GRIK3: variants seen among roughly 807,000 people sequenced by gnomAD.
GRIK3 encodes the protein glutamate ionotropic receptor kainate type subunit 3.
GRIK3 carries 29 observed loss-of-function variants against 102.5 expected under a neutral mutation model. The ratio of observed to expected loss-of-function variants is 0.28; its 90% CI spans 0.21 to 0.39. The LOEUF is 0.39. GRIK3 is among the 10% of genes least tolerant of loss of function. GRIK3 has a pLI of 1.00. For missense variants in GRIK3, 908 were observed against 1,252.4 expected, an observed-to-expected ratio of 0.73 and a Z score of 4.15; for synonymous variants, 511 against 504.9, an observed-to-expected ratio of 1.01 and a Z score of -0.16.
intron 13 of GRIK3, among the ~76,000 whole-genome samples, chr1:36,814,129 G>T (rs975784233): frequency 1.2e-4 from 18 of 152,308 alleles, no homozygotes; most frequent in African/African-American, 4.1e-4. Flanking sequence ...GGCAGAGGAG[G>T]CTGTGGGAGG....
At chr1:36,966,668 G>A (rs1046116694) in intron 1 of GRIK3, among the ~76,000 whole-genome samples, 5 of 152,036 alleles carry the variant, frequency 3.3e-5, no homozygotes, top group Non-Finnish European at 5.9e-5. Flanking sequence ...TCTGGACACC[G>A]AGAGATCACT....
intron 10 of GRIK3, among the ~76,000 whole-genome samples, chr1:36,829,595 C>A (rs1212318038): frequency 6.6e-6 from 1 of 152,066 alleles, no homozygotes; most frequent in Admixed American, 6.6e-5. Context: ...TATTTCTAAA[C>A]CTCTGGACCA....
chr1:36,978,480 T>C (rs1322000374), intron 1 of GRIK3, among the ~76,000 whole-genome samples: 1 of 152,214 alleles, frequency 6.6e-6, no homozygotes, highest in Non-Finnish European at 1.5e-5. Context: ...GCATAACAAA[T>C]CTTCACAAAA....
At chr1:36,834,748 C>G (rs1640351407) in intron 10 of GRIK3, among the ~76,000 whole-genome samples, 1 of 152,210 alleles carries the variant, frequency 6.6e-6, no homozygotes, top group African/African-American at 2.4e-5. Flanking sequence ...ATCCTGTCCC[C>G]ACCCCCTGCA....
intron 1 of GRIK3, among the ~76,000 whole-genome samples, chr1:36,903,372 G>C (rs1465226224): frequency 6.6e-6 from 1 of 152,240 alleles, no homozygotes; most frequent in African/African-American, 2.4e-5. Flanking sequence ...CTGCTGGTGA[G>C]AATGCAAAAT....
At chr1:36,903,741 A>G (rs1641255722) in intron 1 of GRIK3, among the ~76,000 whole-genome samples, 1 of 152,266 alleles carries the variant, frequency 6.6e-6, no homozygotes, top group Non-Finnish European at 1.5e-5. Context: ...ATATGATTTC[A>G]ACTACTGACA....
chr1:36,829,650 C>G (rs989055296), intron 10 of GRIK3, among the ~76,000 whole-genome samples: 7 of 152,148 alleles, frequency 4.6e-5, no homozygotes, highest in Non-Finnish European at 1.5e-5. Flanking sequence ...CCATAAGCAG[C>G]TTTCCACTTA....
At position 36,868,596 on chromosome 1, in the gene GRIK3, G is replaced by A. The variant is rs138672475; in HGVS notation, c.786+1152C>T. Reference sequence around the variant, plus strand: ...AGCGTTCCCGTCACAGTGATTTCAAGCTACCAACATGACATGGACTTAGGA... The same window carrying A: ...AGCGTTCCCGTCACAGTGATTTCAAACTACCAACATGACATGGACTTAGGA... On this transcript the variant is annotated intron_variant, in intron 5 of 15. Coordinates refer to ENST00000373091, the MANE Select transcript of GRIK3 (RefSeq NM_000831.4). Among the ~76,000 whole-genome samples the A allele has an allele frequency of 7.9e-5, 12 of 152,360 alleles. No homozygotes were observed. In the East Asian group the frequency reaches 2.3e-3, roughly 29 times the overall value.
chr1:36,983,034 C>T (rs1487728524), intron 1 of GRIK3, among the ~76,000 whole-genome samples: 1 of 152,192 alleles, frequency 6.6e-6, no homozygotes, highest in East Asian at 1.9e-4. Flanking sequence ...CAGCCCTCTT[C>T]TTATTGCACA....
At position 36,872,168 on chromosome 1, in the gene GRIK3, G is replaced by A. The variant is rs754175116; in HGVS notation, c.732+20C>T. 13 of 1,553,160 alleles carry A rather than the reference G, an allele frequency of 8.4e-6. No homozygotes were observed. The highest frequency in any genetic ancestry group is 3.7e-5 in the South Asian group (3 of 82,176). The stretch of plus-strand genomic sequence containing the variant: ...CCAGCAGACCCCAGTCATCTGTCCC[G>A]GTGGCCAGCACTCACGCACCTGCTT... On this transcript the variant is annotated intron_variant, in intron 4 of 15. Transcript: ENST00000373091. The surrounding 1 kb of genome is among the most constrained non-coding windows in gnomAD (Gnocchi z 5.9).
At chr1:36,944,045 C>T (rs1236362601) in intron 1 of GRIK3, among the ~76,000 whole-genome samples, 1 of 152,232 alleles carries the variant, frequency 6.6e-6, no homozygotes, top group Non-Finnish European at 1.5e-5. Flanking sequence ...CAGCTCAGGA[C>T]ATGGCATCTC....
At chr1:37,006,462 C>T (rs1642534279) in intron 1 of GRIK3, among the ~76,000 whole-genome samples, 1 of 152,256 alleles carries the variant, frequency 6.6e-6, no homozygotes, top group African/African-American at 2.4e-5. Flanking sequence ...ATCATGCCAG[C>T]CAGGCTGAGC....
chr1:36,964,525 C>T (rs1317273729), intron 1 of GRIK3, among the ~76,000 whole-genome samples: 2 of 152,230 alleles, frequency 1.3e-5, no homozygotes, highest in Non-Finnish European at 2.9e-5. Context: ...TGGACCAGGG[C>T]TCCCTGTATG....
chr1:36,894,671 C>T lies in GRIK3; in HGVS notation c.116-3575G>A, dbSNP rs111887038. On this transcript the variant is annotated intron_variant, in intron 1 of 15. Transcript: ENST00000373091. ...AGAAACCTCCATGGGAATCGGTGTG[C>T]AGGTAGGAAAACCGAAAGTGTAATT... 1.9e-3 allele frequency among the ~76,000 whole-genome samples: 293 copies of T among 152,280 alleles called. 3 individuals are homozygous for T. In the Middle Eastern group the frequency reaches 0.034, roughly 18 times the overall value.
At chr1:36,989,538 T>C (rs887214919) in intron 1 of GRIK3, among the ~76,000 whole-genome samples, 1 of 152,204 alleles carries the variant, frequency 6.6e-6, no homozygotes, top group Non-Finnish European at 1.5e-5. Flanking sequence ...GGGGCCTGGC[T>C]GGTTAATTGC....
intron 1 of GRIK3, among the ~76,000 whole-genome samples, chr1:36,959,973 A>G (rs199587026): frequency 3.7e-3 from 82 of 21,976 alleles, no homozygotes; most frequent in Middle Eastern, 0.042. Context: ...CTGTGAGTCT[A>G]TGCCCCATGA....
intron 1 of GRIK3, among the ~76,000 whole-genome samples, chr1:36,999,027 G>T: frequency 6.6e-6 from 1 of 151,542 alleles, no homozygotes; most frequent in East Asian, 1.9e-4. Context: ...TGTGTTGGGG[G>T]TGGGGAGGGA....
At chr1:36,915,097 C>T (rs1357954253) in intron 1 of GRIK3, among the ~76,000 whole-genome samples, 5 of 152,212 alleles carry the variant, frequency 3.3e-5, no homozygotes, top group Non-Finnish European at 7.3e-5. Flanking sequence ...TCCATTCAGC[C>T]CTTCCTTCAC....
intron 1 of GRIK3, among the ~76,000 whole-genome samples, chr1:36,969,340 G>A (rs756526850): frequency 2.6e-5 from 4 of 152,158 alleles, no homozygotes; most frequent in East Asian, 1.9e-4. Context: ...ATAAGGAGAC[G>A]GGGCCCATAT....
Sources: gnomAD v4.1 joint callset for allele counts (sites outside exome capture counted in the v4.1 genomes callset) on GRCh38, gnomAD v4.1.1 for gene constraint, Gnocchi (gnomAD v3.1) non-coding constraint, MANE v1.5 for transcripts, NCBI Gene and HGNC (gene_info 2026-07-23, HGNC 2026-07-21) for gene names.